Variants in PRKN observed in about 807,000 individuals in gnomAD.
PRKN encodes parkin RBR E3 ubiquitin protein ligase.
In PRKN, 56 loss-of-function variants were observed where a neutral mutation model predicts 59.5. That is an observed-to-expected ratio of 0.94 (90% CI 0.76 to 1.18). PRKN has a LOEUF of 1.18. Ranked by LOEUF, PRKN falls within the 50% of genes most tolerant of loss-of-function variation. The pLI is 0.00. For synonymous variants in PRKN, 250 were observed against 222.1 expected (o/e 1.13, Z -1.12); for missense variants, 657 against 596.4 (o/e 1.10, Z -1.06).
chr6:162,375,257 C>T (rs1482292118), intron 2 of PRKN, among the ~76,000 whole-genome samples: 2 of 151,996 alleles, frequency 1.3e-5, no homozygotes, highest in Non-Finnish European at 2.9e-5. Flanking sequence ...TTAGACTAAA[C>T]TTCATGTAAC....
chr6:161,902,551 TA>T (rs1317817518), intron 6 of PRKN, among the ~76,000 whole-genome samples: 52 of 65,068 alleles, frequency 8.0e-4, no homozygotes, highest in African/African-American at 2.1e-3. Flanking sequence ...TCTATCTATT[TA>T]TTTATTTATT....
intron 8 of PRKN, among the ~76,000 whole-genome samples, chr6:161,559,044 A>C (rs1278803146): frequency 9.3e-5 from 10 of 107,156 alleles, no homozygotes; most frequent in South Asian, 3.2e-4. Flanking sequence ...ACATCAAACA[A>C]GACCTAAAAA....
At chr6:162,400,457 C>A (rs12195061) in intron 2 of PRKN, among the ~76,000 whole-genome samples, 39,156 of 99,568 alleles carry the variant, frequency 0.39, 7,311 homozygotes, top group African/African-American at 0.49. Context: ...ATGTAAATAT[C>A]AAAAAAAAAA....
intron 1 of PRKN, among the ~76,000 whole-genome samples, chr6:162,519,734 C>G (rs1376672440): frequency 1.3e-5 from 2 of 152,104 alleles, no homozygotes; most frequent in Admixed American, 6.6e-5. Flanking sequence ...ATATCTGATG[C>G]TTAACCCATG....
At chr6:162,358,986 G>T (rs1158236564) in intron 2 of PRKN, among the ~76,000 whole-genome samples, 1 of 149,770 alleles carries the variant, frequency 6.7e-6, no homozygotes, top group Non-Finnish European at 1.5e-5. Context: ...TTTGAACCTG[G>T]GAGGTGGAGG....
Position 161,530,968 on chromosome 6 carries a change from C to A in PRKN, c.1083+17886G>T, listed in dbSNP as rs1015583024. Among the ~76,000 whole-genome samples, 2 of 152,216 alleles carry A rather than the reference C, an allele frequency of 1.3e-5. No individual in the cohort carries two copies. Among genetic ancestry groups the A allele is most frequent in the Admixed American group, 6.5e-5 (1 of 15,284 alleles). ...ACATCAAATTTCAGTTTCATATTTTCAACTACCTACGGGATATTTTATTGC... is the reference window on the plus strand; with the variant it reads ...ACATCAAATTTCAGTTTCATATTTTAAACTACCTACGGGATATTTTATTGC... On this transcript the variant is annotated intron_variant, in intron 9 of 11. Transcript: ENST00000366898. The surrounding 1 kb of genome is among the most constrained non-coding windows in gnomAD (Gnocchi z 5.0).
intron 9 of PRKN, among the ~76,000 whole-genome samples, chr6:161,501,024 C>T (rs185447843): frequency 1.8e-4 from 28 of 151,952 alleles, no homozygotes; most frequent in African/African-American, 4.8e-4. Context: ...TACTGGTACT[C>T]GCCACCATGC....
intron 7 of PRKN, among the ~76,000 whole-genome samples, chr6:161,630,440 A>C (rs1370533833): frequency 6.6e-6 from 1 of 152,218 alleles, no homozygotes; most frequent in African/African-American, 2.4e-5. Context: ...TTATACTGTC[A>C]TCATAATAGA....
At position 161,428,159 on chromosome 6, in the gene PRKN, G is replaced by A. The variant is rs892937527; in HGVS notation, c.1084-41282C>T. Among the ~76,000 whole-genome samples, 1 of 152,172 alleles carries A rather than the reference G, an allele frequency of 6.6e-6. No individual in the cohort carries two copies. The highest frequency in any genetic ancestry group is 1.5e-5 in the Non-Finnish European group (1 of 68,042). On this transcript the variant is annotated intron_variant, in intron 9 of 11. Coordinates refer to ENST00000366898, the MANE Select transcript of PRKN (RefSeq NM_004562.3). This position sits in a 1 kb window ranked among gnomAD's most constrained non-coding sequence, Gnocchi z 4.0. ...GTGGGGGCCTTCCTCAAAGCCGTGC[G>A]CCTCCATCTCAGGGCAACATAGGGC...
chr6:161,359,035 C>A lies in PRKN; in HGVS notation c.1285+1053G>T, dbSNP rs1474608088. Among the ~76,000 whole-genome samples, 1 of 151,936 alleles carries A rather than the reference C, an allele frequency of 6.6e-6. No individual in the cohort carries two copies. Among genetic ancestry groups the A allele is most frequent in the Non-Finnish European group, 1.5e-5 (1 of 67,978 alleles). ...GGTCTCGACCTCCTGACCTTGTGAT[C>A]CACCCGCCTCCGCCTCCCAAAGTGC... On this transcript the variant is annotated intron_variant, in intron 11 of 11. Coordinates refer to ENST00000366898, the MANE Select transcript of PRKN (RefSeq NM_004562.3). The surrounding 1 kb of genome is among the most constrained non-coding windows in gnomAD (Gnocchi z 5.4).
intron 2 of PRKN, among the ~76,000 whole-genome samples, chr6:162,329,846 G>A (rs974226218): frequency 1.3e-5 from 2 of 152,128 alleles, no homozygotes; most frequent in African/African-American, 4.8e-5. Context: ...ATATAGCCAA[G>A]ATAATGGAGG....
rs1368948064 is a variant in PRKN at position 161,551,337 on chromosome 6, C to T, written c.934-2334G>A. ...AGGTCCTGCCTGAGTCTCAGGATTA[C>T]CTGCATCCTTGAAATTATTCGTAAA... On this transcript the variant is annotated intron_variant, in intron 8 of 11. Coordinates refer to ENST00000366898, the MANE Select transcript of PRKN (RefSeq NM_004562.3). The surrounding 1 kb of genome is among the most constrained non-coding windows in gnomAD (Gnocchi z 5.2). 6.6e-6 allele frequency among the ~76,000 whole-genome samples: 1 copy of T among 152,158 alleles called. No individual in the cohort carries two copies. Among genetic ancestry groups the T allele is most frequent in the Non-Finnish European group, 1.5e-5 (1 of 68,036 alleles).
At chr6:161,895,924 G>C (rs191292869) in intron 6 of PRKN, among the ~76,000 whole-genome samples, 1 of 152,158 alleles carries the variant, frequency 6.6e-6, no homozygotes, top group African/African-American at 2.4e-5. Flanking sequence ...CCCAGACGAA[G>C]GGAGCTGGAA....
intron 1 of PRKN, among the ~76,000 whole-genome samples, chr6:162,495,617 G>A (rs141976132): frequency 4.7e-4 from 72 of 152,314 alleles, no homozygotes; most frequent in African/African-American, 1.6e-3. Flanking sequence ...TACCTAAAGA[G>A]CAAACGTCAT....
intron 1 of PRKN, among the ~76,000 whole-genome samples, chr6:162,725,860 T>TA (rs1454786844): frequency 6.6e-6 from 1 of 152,178 alleles, no homozygotes; most frequent in African/African-American, 2.4e-5. Context: ...CATGATCTTA[T>TA]ATGTAAGGCA....
chr6:161,785,836 C>T lies in PRKN; in HGVS notation c.807G>A (p.Val269=). ...ICLDCFHLYC[V]TRLNDRQFVH... is the part of the protein sequence containing the mutation. ...CAAACTGCCGATCATTGAGTCTTGT[C>T]ACACAGTATAAGTGGAAACAGTCTA... is the stretch of plus-strand genomic sequence containing the variant. Residue 269 remains valine, a synonymous_variant, in exon 7 of 12, where the codon GTG becomes GTA. Coordinates refer to ENST00000366898, the MANE Select transcript of PRKN (RefSeq NM_004562.3). 1 of 1,614,096 alleles carries T rather than the reference C, an allele frequency of 6.2e-7. No homozygotes were observed. The highest frequency in any genetic ancestry group is 8.5e-7 in the Non-Finnish European group (1 of 1,179,976).
At chr6:162,622,201 T>C (rs1268576603) in intron 1 of PRKN, among the ~76,000 whole-genome samples, 1 of 152,228 alleles carries the variant, frequency 6.6e-6, no homozygotes, top group Non-Finnish European at 1.5e-5. Context: ...TTTACTGTGA[T>C]AATCATACTT....
At chr6:162,306,285 T>G (rs1308466339) in intron 2 of PRKN, among the ~76,000 whole-genome samples, 5 of 152,134 alleles carry the variant, frequency 3.3e-5, no homozygotes, top group East Asian at 1.9e-4. Context: ...CAAGAAATGA[T>G]GGTTCTAAGG....
At chr6:162,414,726 A>AAAAAAAAAAAAGG (rs34838356) in intron 2 of PRKN, among the ~76,000 whole-genome samples, 1 of 91,870 alleles carries the variant, frequency 1.1e-5, no homozygotes, top group African/African-American at 4.5e-5. Flanking sequence ...AAAAAAAAAA[A>AAAAAAAAAAAAGG]AGTGAATCTT....
Sources: allele counts gnomAD v4.1 joint callset (sites outside exome capture counted in the v4.1 genomes callset), GRCh38; gene constraint gnomAD v4.1.1; non-coding constraint Gnocchi (gnomAD v3.1); transcripts MANE v1.5; gene names NCBI Gene and HGNC (gene_info 2026-07-23, HGNC 2026-07-21).